Variants in HS6ST3 observed in about 807,000 individuals in gnomAD.
HS6ST3 encodes heparan sulfate 6-O-sulfotransferase 3, also known as heparan-sulfate 6-O-sulfotransferase 3.
Under a neutral mutation model 36.7 loss-of-function variants are expected in HS6ST3, and 12 were observed. That is an observed-to-expected ratio of 0.33 (90% CI 0.21 to 0.53). The LOEUF is 0.53. Ranked by LOEUF, HS6ST3 falls within the 20% of genes least tolerant of loss-of-function variation. HS6ST3 has a pLI of 0.95. For missense variants in HS6ST3, 584 were observed against 640.9 expected (o/e 0.91, Z 0.96); for synonymous variants, 240 against 257.5 (o/e 0.93, Z 0.65).
chr13:96,661,968 T>G (rs1419557996), intron 1 of HS6ST3, among the ~76,000 whole-genome samples: 1 of 152,198 alleles, frequency 6.6e-6, no homozygotes, highest in Non-Finnish European at 1.5e-5. Flanking sequence ...AGTCTACTTT[T>G]ATGACTGGTG....
chr13:96,625,987 C>T (rs1213559926), intron 1 of HS6ST3, among the ~76,000 whole-genome samples: 1 of 145,672 alleles, frequency 6.9e-6, no homozygotes, highest in African/African-American at 2.6e-5. Context: ...CAGGCGCCTG[C>T]CACTACGCCC....
At chr13:96,150,244 A>G (rs2054078435) in intron 1 of HS6ST3, among the ~76,000 whole-genome samples, 1 of 152,192 alleles carries the variant, frequency 6.6e-6, no homozygotes, top group African/African-American at 2.4e-5. Flanking sequence ...TTATGGGCTT[A>G]GAATGGGGGA....
At chr13:96,668,607 G>T (rs1488438106) in intron 1 of HS6ST3, among the ~76,000 whole-genome samples, 2 of 146,572 alleles carry the variant, frequency 1.4e-5, no homozygotes, top group African/African-American at 5.0e-5. Flanking sequence ...GAACTGGCCA[G>T]TGCATATTCA....
intron 1 of HS6ST3, among the ~76,000 whole-genome samples, chr13:96,614,371 G>T (rs1294021575): frequency 1.3e-5 from 2 of 150,462 alleles, no homozygotes; most frequent in African/African-American, 4.9e-5. Context: ...GATATCTCTT[G>T]GGAGAAATGG....
chr13:96,432,022 T>G (rs547392900), intron 1 of HS6ST3, among the ~76,000 whole-genome samples: 1 of 152,296 alleles, frequency 6.6e-6, no homozygotes, highest in Non-Finnish European at 1.5e-5. Context: ...TTTTACGATT[T>G]CAGGTTCAAA....
chr13:96,785,138 C>T (rs1211503227), intron 1 of HS6ST3, among the ~76,000 whole-genome samples: 2 of 152,018 alleles, frequency 1.3e-5, no homozygotes, highest in African/African-American at 4.8e-5. Context: ...CACTGCACTC[C>T]AGCCTGGGCG....
At chr13:96,328,934 A>T (rs942866280) in intron 1 of HS6ST3, among the ~76,000 whole-genome samples, 13 of 151,914 alleles carry the variant, frequency 8.6e-5, no homozygotes, top group African/African-American at 3.1e-4. Context: ...CAAGGAATTT[A>T]TCCATTTCTT....
chr13:96,589,894 A>C (rs2056376401), intron 1 of HS6ST3, among the ~76,000 whole-genome samples: 1 of 152,072 alleles, frequency 6.6e-6, no homozygotes, highest in South Asian at 2.1e-4. Context: ...GAGATCAATT[A>C]TTTTAATTTT....
At chr13:96,524,576 C>T (rs2056106401) in intron 1 of HS6ST3, among the ~76,000 whole-genome samples, 1 of 152,226 alleles carries the variant, frequency 6.6e-6, no homozygotes, top group African/African-American at 2.4e-5. Flanking sequence ...CTGCTCAAGC[C>T]TCAGCAATGG....
At chr13:96,638,243 A>G (rs1452519807) in intron 1 of HS6ST3, among the ~76,000 whole-genome samples, 1 of 152,166 alleles carries the variant, frequency 6.6e-6, no homozygotes, top group Non-Finnish European at 1.5e-5. Flanking sequence ...GTAAGAGAAT[A>G]GGATGCTGTG....
chr13:96,238,790 C>G (rs1277849660), intron 1 of HS6ST3, among the ~76,000 whole-genome samples: 1 of 152,148 alleles, frequency 6.6e-6, no homozygotes, highest in Non-Finnish European at 1.5e-5. Context: ...AGCGTGCTTT[C>G]AATATATTTG....
chr13:96,516,801 A>T (rs2056074524), intron 1 of HS6ST3, among the ~76,000 whole-genome samples: 1 of 152,212 alleles, frequency 6.6e-6, no homozygotes, highest in Non-Finnish European at 1.5e-5. Flanking sequence ...AATGTAGTAT[A>T]ACAAACGACC....
intron 1 of HS6ST3, among the ~76,000 whole-genome samples, chr13:96,557,476 A>G (rs1020113949): frequency 2.6e-5 from 4 of 152,204 alleles, no homozygotes; most frequent in African/African-American, 9.7e-5. Flanking sequence ...GCAAACTCAG[A>G]CCTTCCTGAT....
chr13:96,283,562 A>G (rs1273963539), intron 1 of HS6ST3, among the ~76,000 whole-genome samples: 1 of 152,160 alleles, frequency 6.6e-6, no homozygotes, highest in Non-Finnish European at 1.5e-5. Flanking sequence ...CCTAGAGGGA[A>G]TAGTGTCCTA....
At chr13:96,414,346 T>C (rs1382271618) in intron 1 of HS6ST3, among the ~76,000 whole-genome samples, 1 of 152,252 alleles carries the variant, frequency 6.6e-6, no homozygotes, top group Non-Finnish European at 1.5e-5. Context: ...TTTGAAGGGT[T>C]CTTAATATCA....
chr13:96,785,756 G>A (rs1877632940), intron 1 of HS6ST3, among the ~76,000 whole-genome samples: 1 of 152,146 alleles, frequency 6.6e-6, no homozygotes, highest in African/African-American at 2.4e-5. Flanking sequence ...ATACATGAAA[G>A]AAAGGAAGCC....
intron 1 of HS6ST3, among the ~76,000 whole-genome samples, chr13:96,701,408 A>G (rs1199805304): frequency 6.6e-6 from 1 of 152,192 alleles, no homozygotes; most frequent in African/African-American, 2.4e-5. Flanking sequence ...ATTTAAGAAT[A>G]AAATTAGAAG....
intron 1 of HS6ST3, among the ~76,000 whole-genome samples, chr13:96,392,802 A>G (rs952703847): frequency 3.3e-5 from 5 of 152,300 alleles, no homozygotes; most frequent in African/African-American, 1.2e-4. Flanking sequence ...CTCAAAGGCC[A>G]TGTTGGTGGT....
chr13:96,372,687 AT>A (rs958624659), intron 1 of HS6ST3, among the ~76,000 whole-genome samples: 2 of 152,016 alleles, frequency 1.3e-5, no homozygotes, highest in Admixed American at 1.3e-4. Context: ...ATCCAATTTC[AT>A]TTTTTTGCAT....
Sources: allele counts gnomAD v4.1 joint callset (sites outside exome capture counted in the v4.1 genomes callset), GRCh38; gene constraint gnomAD v4.1.1; transcripts MANE v1.5; gene names NCBI Gene and HGNC (gene_info 2026-07-23, HGNC 2026-07-21).